Variants in CPEB2 observed in about 807,000 individuals in gnomAD.
CPEB2 encodes cytoplasmic polyadenylation element binding protein 2, also known as cytoplasmic polyadenylation element-binding protein 2.
CPEB2 carries 56 observed loss-of-function variants against 93.6 expected under a neutral mutation model. The observed-to-expected ratio is 0.60, with a 90% CI of 0.48 to 0.75. The LOEUF (loss-of-function observed/expected upper bound fraction) is 0.75, where lower values mean the gene tolerates loss of function less well. CPEB2 is among the 30% of genes least tolerant of loss of function. CPEB2 has a pLI of 0.00. For missense variants in CPEB2, 1,579 were observed against 1,395.1 expected, an observed-to-expected ratio of 1.13 and a Z score of -2.10; for synonymous variants, 764 against 586.3, an observed-to-expected ratio of 1.30 and a Z score of -4.38.
intron 3 of CPEB2, 106 bp downstream of exon 3, chr4:15,008,533 T>C (rs1419943137): frequency 1.1e-5 from 7 of 625,060 alleles, no homozygotes; most frequent in Admixed American, 3.1e-5. Context: ...TTGAAACATA[T>C]GTTAGAGGAC....
chr4:15,066,499 C>A lies in CPEB2; in HGVS notation c.*119C>A. On this transcript the variant is annotated 3_prime_UTR_variant, in exon 12 of 12. Transcript: ENST00000538197. Reference sequence around the variant, plus strand: ...TTCTTCTGCTTTTCACCCCAGCTATCAATACATGCATCTTTATCAGCAGCC... The same window carrying A: ...TTCTTCTGCTTTTCACCCCAGCTATAAATACATGCATCTTTATCAGCAGCC... 2 of 699,968 alleles carry A rather than the reference C, an allele frequency of 2.9e-6. No homozygotes were observed. Among genetic ancestry groups the A allele is most frequent in the Non-Finnish European group, 4.9e-6 (2 of 410,076 alleles). 43.4% of individuals were successfully genotyped at this position (699,968 alleles called of 1,614,324 possible). A position where few individuals can be genotyped will look rare whatever the true frequency, so the allele number is the denominator to read the frequency against.
intron 10 of CPEB2, 76 bp downstream of exon 10, chr4:15,059,377 G>A: frequency 2.1e-6 from 2 of 962,458 alleles, no homozygotes; most frequent in Non-Finnish European, 3.3e-6. Context: ...ACGTTTGGAA[G>A]CTATTGTGTA....
In CPEB2 at chr4:15,007,365, A is replaced by G. The variant is rs374603008; in HGVS notation, c.1723A>G (p.Met575Val). 17 of 1,604,788 alleles carry G rather than the reference A, an allele frequency of 1.1e-5. No homozygotes were observed. Among genetic ancestry groups the G allele is most frequent in the Admixed American group, 1.7e-5 (1 of 59,320 alleles). Residue 575 changes from methionine to valine, a missense_variant, in exon 2 of 12, where the codon ATG (methionine) becomes GTG (valine). Physicochemically the swap from Met to Val is conservative, Grantham distance 21. Coordinates refer to ENST00000538197, the MANE Select transcript of CPEB2 (RefSeq NM_001177382.2). ...GAGCAGTGGCTGGGGCACTGGAAGT[A>G]TGTCCTGGGGAGCAATGCATGGCAG... The part of the protein sequence containing the change: ...HQSSGWGTGS[M>V]SWGAMHGRDH...
chr4:15,026,769 T>C (rs1397801307), intron 4 of CPEB2, among the ~76,000 whole-genome samples: 2 of 152,256 alleles, frequency 1.3e-5, no homozygotes, highest in East Asian at 3.8e-4. Flanking sequence ...TAAAATAGTT[T>C]GTATAACCAT....
chr4:15,056,993 T>C (rs942802606), intron 8 of CPEB2, among the ~76,000 whole-genome samples: 6 of 152,074 alleles, frequency 3.9e-5, no homozygotes, highest in African/African-American at 1.2e-4. Context: ...AATTAAGCAA[T>C]ATTAAAATAT....
At chr4:15,032,660 T>G (rs1726239694) in intron 4 of CPEB2, among the ~76,000 whole-genome samples, 1 of 152,134 alleles carries the variant, frequency 6.6e-6, no homozygotes, top group Non-Finnish European at 1.5e-5. Context: ...TATTTAAATA[T>G]GACTTTATAA....
At chr4:15,030,937 T>G (rs1055352914) in intron 4 of CPEB2, among the ~76,000 whole-genome samples, 3 of 152,114 alleles carry the variant, frequency 2.0e-5, no homozygotes, top group African/African-American at 7.2e-5. Context: ...ATTAGAGTAA[T>G]TATGTGACAA....
chr4:15,004,809 C>T (rs531860126), intron 1 of CPEB2: 2 of 152,850 alleles, frequency 1.3e-5, no homozygotes, highest in South Asian at 4.1e-4. Context: ...GGCCGGGGGC[C>T]TCGGAAGAGC....
At chr4:15,016,193 C>T (rs575983363) in intron 3 of CPEB2, among the ~76,000 whole-genome samples, 1 of 152,094 alleles carries the variant, frequency 6.6e-6, no homozygotes, top group South Asian at 2.1e-4. Flanking sequence ...AATGGACTAT[C>T]CTGTATCCCC....
At chr4:15,058,676 AG>A in intron 9 of CPEB2, 137 bp downstream of exon 9, 1 of 616,058 alleles carries the variant, frequency 1.6e-6, no homozygotes, top group Admixed American at 2.7e-5. Flanking sequence ...GATAATTTAT[AG>A]CAGGAGTCCC....
At chr4:15,059,431 A>C (rs1728997806) in intron 10 of CPEB2, 130 bp downstream of exon 10, 2 of 480,438 alleles carry the variant, frequency 4.2e-6, no homozygotes, top group Non-Finnish European at 3.6e-6. Flanking sequence ...TGCATGCACC[A>C]ATTGCTGCTA....
At chr4:15,050,884 A>C (rs1489472911) in intron 6 of CPEB2, among the ~76,000 whole-genome samples, 3 of 152,180 alleles carry the variant, frequency 2.0e-5, no homozygotes, top group Non-Finnish European at 4.4e-5. Flanking sequence ...GTTGACTCCA[A>C]ATTATTTTCT....
At chr4:15,009,493 C>G (rs1053293019) in intron 3 of CPEB2, among the ~76,000 whole-genome samples, 1 of 152,170 alleles carries the variant, frequency 6.6e-6, no homozygotes, top group Non-Finnish European at 1.5e-5. Context: ...TACCTCTACT[C>G]TCTTCTCTAG....
intron 5 of CPEB2, among the ~76,000 whole-genome samples, chr4:15,036,665 G>A (rs888952575): frequency 1.3e-5 from 2 of 152,014 alleles, no homozygotes; most frequent in Middle Eastern, 3.2e-3. Flanking sequence ...TTATTAGTAC[G>A]TAACGTTTTT....
At chr4:15,049,859 A>T (rs1018368834) in intron 6 of CPEB2, among the ~76,000 whole-genome samples, 2 of 152,120 alleles carry the variant, frequency 1.3e-5, no homozygotes, top group African/African-American at 4.8e-5. Flanking sequence ...TTTATGTCAA[A>T]CATCTAGGTA....
Position 15,003,061 on chromosome 4 carries a change from G to T in CPEB2, c.388G>T (p.Gly130Cys), listed in dbSNP as rs1232800886. ...CCACCCCGGCGGCGGCACGATCGCG[G>T]GTGTGACCCACCTCCTCCCCTCCCA... is the stretch of plus-strand genomic sequence containing the variant. ...DHHPGGGTIA[G>C]VTHLLPSQDF... The change falls in exon 1 of 12, where the codon GGT (glycine) becomes TGT (cysteine). Residue 130 changes from glycine to cysteine, a missense_variant. By Grantham distance (159) the Gly-to-Cys change is radical (BLOSUM62 -3). Transcript: ENST00000538197. 2.0e-6 allele frequency: 3 copies of T among 1,523,752 alleles called. No homozygotes were observed. The South Asian group carries it at 3.6e-5, about 18-fold the overall frequency. 94.4% of individuals were successfully genotyped at this position (1,523,752 alleles called of 1,614,324 possible). A position where few individuals can be genotyped will look rare whatever the true frequency, so the allele number is the denominator to read the frequency against.
intron 11 of CPEB2, among the ~76,000 whole-genome samples, chr4:15,063,158 T>C (rs888416753): frequency 6.6e-6 from 1 of 152,054 alleles, no homozygotes; most frequent in Non-Finnish European, 1.5e-5. Flanking sequence ...TCTTCAAGCC[T>C]CTTCTGGGGC....
chr4:15,019,788 T>C (rs546941012), intron 4 of CPEB2, among the ~76,000 whole-genome samples: 48 of 152,088 alleles, frequency 3.2e-4, no homozygotes, highest in Non-Finnish European at 6.8e-4. Context: ...GCTGAAAATA[T>C]CTAGGAAAAT....
rs1362325562 is a variant in CPEB2 at position 15,003,503 on chromosome 4, G to T, written c.830G>T (p.Gly277Val). 2.1e-6 allele frequency: 3 copies of T among 1,410,410 alleles called. No homozygotes were observed. Among genetic ancestry groups the T allele is most frequent in the Non-Finnish European group, 2.8e-6 (3 of 1,086,590 alleles). The allele number at this position is 1,410,410 out of a possible 1,614,324, so 87.4% of individuals were successfully genotyped here. Reference sequence around the variant, plus strand: ...CCTGCAGCCCCGCGGCGCCGCCACGGAGGCGCGGGCAGCCCTCGCAAGACC... The same window carrying T: ...CCTGCAGCCCCGCGGCGCCGCCACGTAGGCGCGGGCAGCCCTCGCAAGACC... Reference protein sequence around the residue: ...SPPAAPRRRHGGAGSPRKTPA... With the variant: ...SPPAAPRRRHVGAGSPRKTPA... Residue 277 changes from glycine (G) to valine (V), a missense_variant, in exon 1 of 12, where the codon GGA becomes GTA. Transcript: ENST00000538197.
Sources: allele counts gnomAD v4.1 joint callset (sites outside exome capture counted in the v4.1 genomes callset), GRCh38; gene constraint gnomAD v4.1.1; transcripts MANE v1.5; gene names NCBI Gene and HGNC (gene_info 2026-07-23, HGNC 2026-07-21).